Variants in KCTD16 observed in about 807,000 individuals in gnomAD.
KCTD16 encodes the protein potassium channel tetramerization domain containing 16.
Under a neutral mutation model 33.2 loss-of-function variants are expected in KCTD16, and 13 were observed. The observed-to-expected ratio is 0.39, with a 90% CI of 0.25 to 0.62. The LOEUF is 0.62. Among genes scored for constraint, KCTD16 ranks in the 20% least tolerant of loss-of-function variants. The pLI is 0.50. For missense variants in KCTD16, 441 were observed against 525.1 expected (o/e 0.84, Z 1.57); for synonymous variants, 197 against 195.3 (o/e 1.01, Z -0.07).
At chr5:144,362,447 G>A (rs902219407) in intron 3 of KCTD16, among the ~76,000 whole-genome samples, 1 of 152,078 alleles carries the variant, frequency 6.6e-6, no homozygotes, top group Non-Finnish European at 1.5e-5. Flanking sequence ...TGGATCTCTG[G>A]TATTAAGAGT....
intron 1 of KCTD16, among the ~76,000 whole-genome samples, chr5:144,171,761 G>C (rs1365046164): frequency 6.6e-6 from 1 of 152,198 alleles, no homozygotes; most frequent in Non-Finnish European, 1.5e-5. Flanking sequence ...GGAATAACAG[G>C]AAGGGGCCAG....
At chr5:144,177,221 C>T (rs543710037) in intron 2 of KCTD16, among the ~76,000 whole-genome samples, 1 of 152,246 alleles carries the variant, frequency 6.6e-6, no homozygotes, top group Admixed American at 6.5e-5. Flanking sequence ...ATGCTTGAAC[C>T]ACAGTAACTG....
chr5:144,462,906 CCAATCAGAGGGAATCAAG>C, intron 3 of KCTD16, among the ~76,000 whole-genome samples: 1 of 152,208 alleles, frequency 6.6e-6, no homozygotes, highest in Non-Finnish European at 1.5e-5. Context: ...GGTGTTTTTC[CCAATCAGAGGGAATCAAG>C]CAATCTTGTG....
At chr5:144,225,051 G>A (rs547576662) in intron 3 of KCTD16, among the ~76,000 whole-genome samples, 22 of 152,188 alleles carry the variant, frequency 1.4e-4, no homozygotes, top group Admixed American at 4.6e-4. Context: ...GCCCTGACCC[G>A]AATTCTGGCA....
chr5:144,364,666 C>T (rs145642289), intron 3 of KCTD16, among the ~76,000 whole-genome samples: 11 of 152,182 alleles, frequency 7.2e-5, no homozygotes, highest in Admixed American at 2.0e-4. Flanking sequence ...CCATGTACTG[C>T]AATTATGTAG....
chr5:144,278,482 C>CTCCT, intron 3 of KCTD16, among the ~76,000 whole-genome samples: 5 of 121,882 alleles, frequency 4.1e-5, no homozygotes, highest in African/African-American at 1.7e-4. Context: ...GTTTGTTAGT[C>CTCCT]TTCTTTTTTT....
chr5:144,206,392 G>T lies in KCTD16; in HGVS notation c.-323G>T. On this transcript the variant is annotated 5_prime_UTR_variant, in exon 3 of 4. Transcript: ENST00000512467. ...AATTTTTTCTCTTTTCCTTCAGACGGACATCTGAGTAACTGGGGAATTGGC... is the reference window on the plus strand; with the variant it reads ...AATTTTTTCTCTTTTCCTTCAGACGTACATCTGAGTAACTGGGGAATTGGC... The T allele has an allele frequency of 4.0e-6, 1 of 253,060 alleles. No homozygotes were observed. Among genetic ancestry groups the T allele is most frequent in the Non-Finnish European group, 7.5e-6 (1 of 133,818 alleles). The allele number at this position is 253,060 out of a possible 1,614,324, so 15.7% of individuals were successfully genotyped here.
At chr5:144,252,178 C>T (rs192782501) in intron 3 of KCTD16, among the ~76,000 whole-genome samples, 1 of 152,248 alleles carries the variant, frequency 6.6e-6, no homozygotes, top group East Asian at 1.9e-4. Context: ...TTATTAACTA[C>T]AGCCAGCGTG....
intron 3 of KCTD16, among the ~76,000 whole-genome samples, chr5:144,229,170 G>T (rs143666917): frequency 6.6e-6 from 1 of 152,188 alleles, no homozygotes; most frequent in Non-Finnish European, 1.5e-5. Context: ...CAGGCATGGG[G>T]TTTTGTAAAG....
chr5:144,323,444 A>G (rs7710588), intron 3 of KCTD16, among the ~76,000 whole-genome samples: 50,903 of 152,044 alleles, frequency 0.33, 9,215 homozygotes, highest in African/African-American at 0.47. Context: ...AGATCATGAT[A>G]CAAATCTAAA....
intron 3 of KCTD16, among the ~76,000 whole-genome samples, chr5:144,209,367 C>T (rs916665384): frequency 1.3e-5 from 2 of 152,146 alleles, no homozygotes. Context: ...CTGACTATGT[C>T]GTTTCTTCTT....
At chr5:144,392,814 A>T (rs1421212638) in intron 3 of KCTD16, among the ~76,000 whole-genome samples, 1 of 152,170 alleles carries the variant, frequency 6.6e-6, no homozygotes, top group African/African-American at 2.4e-5. Context: ...CTTGGTGTGC[A>T]TGGAAACACA....
At chr5:144,397,463 G>T (rs1297951703) in intron 3 of KCTD16, among the ~76,000 whole-genome samples, 1 of 152,032 alleles carries the variant, frequency 6.6e-6, no homozygotes, top group East Asian at 1.9e-4. Flanking sequence ...TGGGTCAAAT[G>T]GTATTTCTAG....
intron 3 of KCTD16, among the ~76,000 whole-genome samples, chr5:144,294,639 A>G (rs1001789817): frequency 6.6e-6 from 1 of 152,148 alleles, no homozygotes; most frequent in African/African-American, 2.4e-5. Flanking sequence ...CTTCATCACA[A>G]TGTTCTTTTT....
intron 3 of KCTD16, among the ~76,000 whole-genome samples, chr5:144,357,736 A>G (rs1286904444): frequency 6.6e-6 from 1 of 152,116 alleles, no homozygotes; most frequent in East Asian, 1.9e-4. Context: ...GTGAAGGAAA[A>G]TATTACAGCT....
chr5:144,401,179 T>C (rs1352206936), intron 3 of KCTD16, among the ~76,000 whole-genome samples: 1 of 152,180 alleles, frequency 6.6e-6, no homozygotes, highest in African/African-American at 2.4e-5. Flanking sequence ...ACATTCACAT[T>C]CCTGCCAAGG....
intron 3 of KCTD16, among the ~76,000 whole-genome samples, chr5:144,263,427 C>G (rs1051700992): frequency 1.3e-5 from 2 of 152,088 alleles, no homozygotes; most frequent in Non-Finnish European, 2.9e-5. Context: ...GCTAATCTTC[C>G]TTTTCTATGA....
intron 3 of KCTD16, among the ~76,000 whole-genome samples, chr5:144,237,052 C>T (rs975798711): frequency 2.0e-5 from 3 of 152,122 alleles, no homozygotes; most frequent in Non-Finnish European, 4.4e-5. Context: ...GTTGGAAATA[C>T]TACAATATCT....
At position 144,483,188 on chromosome 5, in the gene KCTD16, G is replaced by A. The variant is rs1460795165; in HGVS notation, c.*9074G>A. 1.4e-5 allele frequency: 2 copies of A among 146,388 alleles called. No individual in the cohort carries two copies. Among genetic ancestry groups the A allele is most frequent in the Non-Finnish European group, 3.0e-5 (2 of 66,692 alleles). The allele number at this position is 146,388 out of a possible 1,614,324, so 9.1% of individuals were successfully genotyped here. The stretch of plus-strand genomic sequence containing the variant: ...GAAAAAACCCAAAACACTACCAAAT[G>A]AACAGTGATAATGTTTAAGAAGAAA... On this transcript the variant is annotated 3_prime_UTR_variant, in exon 4 of 4. Transcript: ENST00000512467.
Sources: allele counts gnomAD v4.1 joint callset (sites outside exome capture counted in the v4.1 genomes callset), GRCh38; gene constraint gnomAD v4.1.1; transcripts MANE v1.5; gene names NCBI Gene and HGNC (gene_info 2026-07-23, HGNC 2026-07-21).